GRM8: variants seen among roughly 807,000 people sequenced by gnomAD.
GRM8 encodes the protein glutamate metabotropic receptor 8, also known as metabotropic glutamate receptor 8.
In GRM8, 47 loss-of-function variants were observed where a neutral mutation model predicts 87.2. The observed-to-expected ratio is 0.54, with a 90% CI of 0.43 to 0.69. The LOEUF (loss-of-function observed/expected upper bound fraction) is 0.69, where lower values mean the gene tolerates loss of function less well. Ranked by LOEUF, GRM8 falls within the 30% of genes least tolerant of loss-of-function variation. GRM8 has a pLI of 0.00. For synonymous variants in GRM8, 396 were observed against 404.5 expected (o/e 0.98, Z 0.25); for missense variants, 1,019 against 1,139.2 (o/e 0.89, Z 1.52).
intron 9 of GRM8, among the ~76,000 whole-genome samples, chr7:126,454,506 A>T (rs1463812098): frequency 3.4e-5 from 5 of 148,358 alleles, no homozygotes; most frequent in Non-Finnish European, 7.5e-5. Context: ...TAAAAGTGCT[A>T]TTTTTTTTTT....
chr7:127,102,444 T>C (rs1431280699), intron 3 of GRM8, among the ~76,000 whole-genome samples: 3 of 152,110 alleles, frequency 2.0e-5, no homozygotes, highest in African/African-American at 7.2e-5. Flanking sequence ...ATCACAGCCA[T>C]AGGAGGGAAG....
intron 7 of GRM8, among the ~76,000 whole-genome samples, chr7:126,664,164 C>T (rs1805514065): frequency 6.6e-6 from 1 of 152,100 alleles, no homozygotes; most frequent in South Asian, 2.1e-4. Context: ...AAAAACATTC[C>T]ATGCTCATGG....
intron 9 of GRM8, among the ~76,000 whole-genome samples, 153 bp downstream of exon 9, chr7:126,532,798 TA>T (rs2150855016): frequency 4.0e-5 from 2 of 49,652 alleles, no homozygotes; most frequent in African/African-American, 1.4e-4. Flanking sequence ...TATATATATA[TA>T]TATATATATA....
intron 8 of GRM8, among the ~76,000 whole-genome samples, chr7:126,563,432 G>C (rs1793917970): frequency 6.6e-6 from 1 of 152,076 alleles, no homozygotes; most frequent in African/African-American, 2.4e-5. Context: ...TCCTAAAGCT[G>C]AAAGGTCTGG....
chr7:126,528,203 A>G (rs530642596), intron 9 of GRM8, among the ~76,000 whole-genome samples: 5 of 152,218 alleles, frequency 3.3e-5, no homozygotes, highest in African/African-American at 9.6e-5. Flanking sequence ...GCAAGACTCC[A>G]TCTCAAAAAA....
intron 3 of GRM8, chr7:127,084,889 G>A (rs1159461570): frequency 6.6e-6 from 1 of 152,214 alleles, no homozygotes; most frequent in Non-Finnish European, 1.5e-5. Context: ...AGGTATACAT[G>A]TGCCATGTTG....
chr7:126,933,417 C>G (rs1237680733), intron 3 of GRM8, among the ~76,000 whole-genome samples: 1 of 152,224 alleles, frequency 6.6e-6, no homozygotes, highest in Non-Finnish European at 1.5e-5. Context: ...ACACCAAGCT[C>G]TATGACTTGG....
At chr7:126,479,489 A>C (rs1210726146) in intron 9 of GRM8, among the ~76,000 whole-genome samples, 1 of 152,050 alleles carries the variant, frequency 6.6e-6, no homozygotes, top group Non-Finnish European at 1.5e-5. Context: ...CAATCTTGTG[A>C]TTGCCTTCTT....
chr7:126,997,109 T>C (rs1369388760), intron 3 of GRM8, among the ~76,000 whole-genome samples: 4 of 150,536 alleles, frequency 2.7e-5, no homozygotes, highest in Admixed American at 2.0e-4. Flanking sequence ...CTGACCACAA[T>C]GAAATTAAAC....
chr7:127,121,976 AG>A (rs767954862), intron 2 of GRM8, among the ~76,000 whole-genome samples: 4 of 152,180 alleles, frequency 2.6e-5, no homozygotes, highest in Non-Finnish European at 4.4e-5. Flanking sequence ...TTGACACCCT[AG>A]TGAATGTGGC....
intron 3 of GRM8, among the ~76,000 whole-genome samples, chr7:127,100,933 G>T (rs1267925558): frequency 1.3e-5 from 2 of 152,046 alleles, no homozygotes; most frequent in Non-Finnish European, 2.9e-5. Context: ...ACCATCAATT[G>T]TATGAGAATG....
intron 8 of GRM8, among the ~76,000 whole-genome samples, chr7:126,574,862 G>A (rs1794979689): frequency 6.6e-6 from 1 of 152,094 alleles, no homozygotes; most frequent in Non-Finnish European, 1.5e-5. Context: ...CTGTTAAGGT[G>A]TGGACTCAGC....
intron 2 of GRM8, among the ~76,000 whole-genome samples, chr7:127,241,724 T>C (rs1216857722): frequency 2.6e-5 from 4 of 152,208 alleles, no homozygotes; most frequent in East Asian, 3.9e-4. Flanking sequence ...CGTGAGCCAC[T>C]GCACCCAGCC....
At position 127,012,528 on chromosome 7, in the gene GRM8, C is replaced by T. The variant is rs1016533241; in HGVS notation, c.727+93968G>A. 1.2e-4 allele frequency among the ~76,000 whole-genome samples: 18 copies of T among 152,104 alleles called. 1 individual carries two copies. Among genetic ancestry groups the T allele is most frequent in the African/African-American group, 3.1e-4 (13 of 41,506 alleles). On this transcript the variant is annotated intron_variant, in intron 3 of 10. Coordinates refer to ENST00000339582, the MANE Select transcript of GRM8 (RefSeq NM_000845.3). ...CATAATTGCAGGCATTTGGGCCTTCCGCTCTACTTAAATAGCATTTTTACT... is the reference window on the plus strand; with the variant it reads ...CATAATTGCAGGCATTTGGGCCTTCTGCTCTACTTAAATAGCATTTTTACT...
chr7:126,723,511 A>C (rs918310161), intron 7 of GRM8, among the ~76,000 whole-genome samples: 1 of 151,930 alleles, frequency 6.6e-6, no homozygotes, highest in African/African-American at 2.4e-5. Flanking sequence ...CAGAATCAGA[A>C]CAATGGCTCA....
chr7:126,668,951 A>C (rs1044475228), intron 7 of GRM8, among the ~76,000 whole-genome samples: 4 of 152,220 alleles, frequency 2.6e-5, no homozygotes, highest in Non-Finnish European at 1.5e-5. Context: ...GATAAAGAAA[A>C]TGTAACACAT....
At chr7:127,002,834 T>G (rs1813867672) in intron 3 of GRM8, among the ~76,000 whole-genome samples, 1 of 151,728 alleles carries the variant, frequency 6.6e-6, no homozygotes, top group South Asian at 2.1e-4. Context: ...TTTTTCTATG[T>G]TGTTTAATAA....
chr7:126,694,120 A>C (rs1480437467), intron 7 of GRM8, among the ~76,000 whole-genome samples: 1 of 151,796 alleles, frequency 6.6e-6, no homozygotes, highest in South Asian at 2.1e-4. Flanking sequence ...AACTATATAT[A>C]GTTATATTTA....
intron 3 of GRM8, among the ~76,000 whole-genome samples, chr7:126,911,719 C>A (rs1158812824): frequency 6.6e-6 from 1 of 152,184 alleles, no homozygotes; most frequent in Non-Finnish European, 1.5e-5. Context: ...GGCCCAGTGA[C>A]AGGCTGCTGA....
Sources: allele counts gnomAD v4.1 joint callset (sites outside exome capture counted in the v4.1 genomes callset), GRCh38; gene constraint gnomAD v4.1.1; transcripts MANE v1.5; gene names NCBI Gene and HGNC (gene_info 2026-07-23, HGNC 2026-07-21).